ACVR1C: variants seen among roughly 807,000 people sequenced by gnomAD.
ACVR1C encodes activin A receptor type 1C.
Under a neutral mutation model 57.9 loss-of-function variants are expected in ACVR1C, and 23 were observed. The ratio of observed to expected loss-of-function variants is 0.40; its 90% CI spans 0.29 to 0.56. The LOEUF is 0.56. ACVR1C is among the 20% of genes least tolerant of loss of function. The pLI is 0.50. For missense variants in ACVR1C, 480 were observed against 607.9 expected (o/e 0.79, Z 2.21); for synonymous variants, 214 against 215.3 (o/e 0.99, Z 0.05).
chr2:157,623,494 T>C (rs1315712936), intron 1 of ACVR1C, among the ~76,000 whole-genome samples: 2 of 151,922 alleles, frequency 1.3e-5, no homozygotes, highest in Non-Finnish European at 2.9e-5. Context: ...TTAACTGAAA[T>C]AAGCCAGGAA....
In ACVR1C at chr2:157,572,629, G is replaced by T. The variant is rs534100738; in HGVS notation, c.304+14558C>A. 2.0e-5 allele frequency among the ~76,000 whole-genome samples: 3 copies of T among 152,218 alleles called. No individual in the cohort carries two copies. The South Asian group carries it at 6.2e-4, about 32-fold the overall frequency. On this transcript the variant is annotated intron_variant, in intron 2 of 8. Coordinates refer to ENST00000243349, the MANE Select transcript of ACVR1C (RefSeq NM_145259.3). ...ATATGGAATCCTCAATTTAGAATTGGCTGTAAACTTTGCTTTCAATTTCCT... is the reference window on the plus strand; with the variant it reads ...ATATGGAATCCTCAATTTAGAATTGTCTGTAAACTTTGCTTTCAATTTCCT...
At chr2:157,600,985 A>G (rs184313397) in intron 1 of ACVR1C, among the ~76,000 whole-genome samples, 12 of 152,332 alleles carry the variant, frequency 7.9e-5, no homozygotes, top group Middle Eastern at 3.4e-3. Flanking sequence ...TTAAAAATAT[A>G]GTTCTTAGAC....
chr2:157,535,054 A>G (rs1421018250), intron 8 of ACVR1C, among the ~76,000 whole-genome samples: 2 of 149,272 alleles, frequency 1.3e-5, no homozygotes, highest in African/African-American at 4.9e-5. Context: ...CTGAGGTGAG[A>G]GGATTGCTTA....
chr2:157,551,582 T>C (rs1304618616), intron 3 of ACVR1C, among the ~76,000 whole-genome samples: 2 of 152,232 alleles, frequency 1.3e-5, no homozygotes, highest in African/African-American at 2.4e-5. Flanking sequence ...GATGGTTATT[T>C]CTCTTGGTGA....
chr2:157,554,326 A>C (rs1028612353), intron 3 of ACVR1C, among the ~76,000 whole-genome samples: 1 of 144,780 alleles, frequency 6.9e-6, no homozygotes, highest in African/African-American at 2.7e-5. Flanking sequence ...AAAAAGAAAA[A>C]GAAAGAGAAA....
intron 2 of ACVR1C, among the ~76,000 whole-genome samples, chr2:157,561,923 C>A (rs1438810270): frequency 6.6e-6 from 1 of 152,128 alleles, no homozygotes; most frequent in Non-Finnish European, 1.5e-5. Context: ...GGGCAGAGTC[C>A]ACAACCTTGT....
At chr2:157,617,322 A>T (rs531111137) in intron 1 of ACVR1C, among the ~76,000 whole-genome samples, 18 of 152,222 alleles carry the variant, frequency 1.2e-4, no homozygotes, top group African/African-American at 3.6e-4. Flanking sequence ...AGGGAGAAAC[A>T]GACAAATACA....
At chr2:157,563,186 T>C (rs752640978) in intron 2 of ACVR1C, among the ~76,000 whole-genome samples, 45 of 152,154 alleles carry the variant, frequency 3.0e-4, no homozygotes, top group Non-Finnish European at 4.1e-4. Flanking sequence ...AATTGTCTGT[T>C]TGCAGATAAC....
At chr2:157,551,376 T>C (rs553004420) in intron 3 of ACVR1C, among the ~76,000 whole-genome samples, 1 of 152,226 alleles carries the variant, frequency 6.6e-6, no homozygotes, top group Non-Finnish European at 1.5e-5. Context: ...ATTATGTTAA[T>C]CTTAGGATGG....
At chr2:157,599,349 AAAAG>A (rs1283017836) in intron 1 of ACVR1C, among the ~76,000 whole-genome samples, 27 of 142,640 alleles carry the variant, frequency 1.9e-4, no homozygotes, top group African/African-American at 6.8e-4. Context: ...AAAAAAAAAA[AAAAG>A]GCTGAATAAT....
Position 157,556,104 on chromosome 2 carries a change from C to A in ACVR1C, c.533G>T (p.Gly178Val). The A allele has an allele frequency of 1.2e-6, 2 of 1,613,980 alleles. No homozygotes were observed. Among genetic ancestry groups the A allele is most frequent in the Non-Finnish European group, 1.7e-6 (2 of 1,179,920 alleles). The change falls in exon 3 of 9, where the codon GGA (glycine) becomes GTA (valine). Residue 178 changes from glycine to valine, a missense_variant. Coordinates refer to ENST00000243349, the MANE Select transcript of ACVR1C (RefSeq NM_145259.3). ...KDLIYDVTAS[G>V]SGSGLPLLVQ... ...CAATGGTAACATACCAGAGCCAGAT[C>A]CAGAGGCGGTCACATCATAAATCAG...
In ACVR1C at chr2:157,576,903, G is replaced by A. The variant is rs1254967771; in HGVS notation, c.304+10284C>T. 1.3e-4 allele frequency among the ~76,000 whole-genome samples: 5 copies of A among 38,048 alleles called. 1 individual carries two copies. Among genetic ancestry groups the A allele is most frequent in the Non-Finnish European group, 2.8e-4 (5 of 18,004 alleles). The allele number at this position is 38,048 out of a possible 152,430, so 25.0% of individuals were successfully genotyped here. Reference sequence around the variant, plus strand: ...CGCTCTGTCGCCCAGGCCGGACTGCGGACTGCAGTGGCACAATCTCGGCTC... The same window carrying A: ...CGCTCTGTCGCCCAGGCCGGACTGCAGACTGCAGTGGCACAATCTCGGCTC... On this transcript the variant is annotated intron_variant, in intron 2 of 8. Coordinates refer to ENST00000243349, the MANE Select transcript of ACVR1C (RefSeq NM_145259.3).
intron 1 of ACVR1C, among the ~76,000 whole-genome samples, chr2:157,617,045 T>C (rs1682668809): frequency 6.6e-6 from 1 of 151,978 alleles, no homozygotes; most frequent in African/African-American, 2.4e-5. Context: ...GAACTAACTA[T>C]ATGCTGTGTA....
chr2:157,544,506 C>G lies in ACVR1C; in HGVS notation c.882G>C (p.Lys294Asn). ...GACCACTAGCAATTGAGAGCGCCAG[C>G]TTGATCATTCCAGCCACGGTCACTA... is the stretch of plus-strand genomic sequence containing the variant. The part of the protein sequence containing the change: ...RNIVTVAGMI[K>N]LALSIASGLA... Residue 294 changes from lysine to asparagine, a missense_variant, in exon 5 of 9, where the codon AAG (lysine) becomes AAC (asparagine). Lys to Asn is a moderately conservative substitution (Grantham distance 94). Coordinates refer to ENST00000243349, the MANE Select transcript of ACVR1C (RefSeq NM_145259.3). The G allele has an allele frequency of 6.2e-7, 1 of 1,614,052 alleles. No homozygotes were observed.
At chr2:157,547,954 C>G (rs1481405717) in intron 4 of ACVR1C, among the ~76,000 whole-genome samples, 2 of 151,820 alleles carry the variant, frequency 1.3e-5, no homozygotes, top group East Asian at 1.9e-4. Context: ...GGTTTTAGGT[C>G]TAACATTTAA....
chr2:157,573,302 T>C (rs568949745), intron 2 of ACVR1C, among the ~76,000 whole-genome samples: 96 of 152,296 alleles, frequency 6.3e-4, no homozygotes, highest in African/African-American at 2.0e-3. Flanking sequence ...CTTTACGCAA[T>C]TCAGAACAGA....
rs951049123 is a variant in ACVR1C at position 157,531,961 on chromosome 2, CCTAT to C, written c.*1953_*1956del. The C allele has an allele frequency of 2.0e-5, 3 of 152,058 alleles. No homozygotes were observed. The highest frequency in any genetic ancestry group is 2.9e-5 in the Non-Finnish European group (2 of 68,000). 9.4% of individuals were successfully genotyped at this position (152,058 alleles called of 1,614,324 possible). A position where few individuals can be genotyped will look rare whatever the true frequency, so the allele number is the denominator to read the frequency against. ...GACTTTAAAATCCCTGAGGGCAGGA[CCTAT>C]CTATCTTTGTATTCCCTCTTGTACC... On this transcript the variant is annotated 3_prime_UTR_variant, in exon 9 of 9. Transcript: ENST00000243349.
intron 1 of ACVR1C, among the ~76,000 whole-genome samples, chr2:157,612,218 G>A (rs1682550336): frequency 6.6e-6 from 1 of 152,132 alleles, no homozygotes. Context: ...AGAAGTGACT[G>A]CAATGTTTTG....
At position 157,533,845 on chromosome 2, in the gene ACVR1C, C is replaced by T; in HGVS notation, c.*73G>A. 1 of 1,409,476 alleles carries T rather than the reference C, an allele frequency of 7.1e-7. No individual in the cohort carries two copies. Among genetic ancestry groups the T allele is most frequent in the Non-Finnish European group, 9.3e-7 (1 of 1,076,312 alleles). The allele number at this position is 1,409,476 out of a possible 1,614,324, so 87.3% of individuals were successfully genotyped here. A position where few individuals can be genotyped will look rare whatever the true frequency, so the allele number is the denominator to read the frequency against. Reference sequence around the variant, plus strand: ...TTGAGGTAGAACAAAAAAAAAATGGCAAAAACATTCACATAAAGGGGAAAA... The same window carrying T: ...TTGAGGTAGAACAAAAAAAAAATGGTAAAAACATTCACATAAAGGGGAAAA... On this transcript the variant is annotated 3_prime_UTR_variant, in exon 9 of 9. Transcript: ENST00000243349.
Sources: allele counts gnomAD v4.1 joint callset (sites outside exome capture counted in the v4.1 genomes callset), GRCh38; gene constraint gnomAD v4.1.1; transcripts MANE v1.5; gene names NCBI Gene and HGNC (gene_info 2026-07-23, HGNC 2026-07-21).